Variants in KAZN observed in about 807,000 individuals in gnomAD.
KAZN encodes kazrin, periplakin interacting protein, also known as kazrin.
In KAZN, 40 loss-of-function variants were observed where a neutral mutation model predicts 87.4. That is an observed-to-expected ratio of 0.46 (90% CI 0.36 to 0.60). The LOEUF (loss-of-function observed/expected upper bound fraction) is 0.60, where lower values mean the gene tolerates loss of function less well. Ranked by LOEUF, KAZN falls within the 20% of genes least tolerant of loss-of-function variation. The pLI is 0.00. For synonymous variants in KAZN, 466 were observed against 458.3 expected, an observed-to-expected ratio of 1.02 and a Z score of -0.22; for missense variants, 898 against 1,073.9, an observed-to-expected ratio of 0.84 and a Z score of 2.29.
chr1:14,927,729 T>A (rs1341506374), intron 1 of KAZN, among the ~76,000 whole-genome samples: 2 of 152,360 alleles, frequency 1.3e-5, no homozygotes, highest in African/African-American at 4.8e-5. Context: ...AACCCCGAGC[T>A]CAGAAAGCCA....
chr1:14,900,386 T>C (rs774361854), intron 1 of KAZN, among the ~76,000 whole-genome samples: 62 of 152,112 alleles, frequency 4.1e-4, no homozygotes, highest in Admixed American at 2.0e-4. Flanking sequence ...AGTGCCTCCA[T>C]TTCACCATCT....
intron 1 of KAZN, among the ~76,000 whole-genome samples, chr1:14,843,000 C>T (rs1427261003): frequency 6.6e-6 from 1 of 152,130 alleles, no homozygotes; most frequent in African/African-American, 2.4e-5. Context: ...GACATTATCT[C>T]TTGATGTTCT....
At chr1:14,770,039 A>C (rs767361262) in intron 1 of KAZN, among the ~76,000 whole-genome samples, 23 of 152,140 alleles carry the variant, frequency 1.5e-4, no homozygotes, top group Non-Finnish European at 2.9e-4. Flanking sequence ...GGTAGAGTGA[A>C]CCAGGACCTC....
intron 1 of KAZN, among the ~76,000 whole-genome samples, chr1:14,841,127 G>A (rs912486682): frequency 1.3e-5 from 2 of 152,128 alleles, no homozygotes; most frequent in African/African-American, 2.4e-5. Context: ...TAGAAATGGA[G>A]CCATAAGCGG....
chr1:14,402,125 A>G (rs2101137598), intron 2 of KAZN, among the ~76,000 whole-genome samples: 1 of 152,086 alleles, frequency 6.6e-6, no homozygotes, highest in African/African-American at 2.4e-5. Context: ...TTTCAGAACT[A>G]AAAAAAGCAC....
intron 1 of KAZN, among the ~76,000 whole-genome samples, chr1:14,831,383 G>A (rs1325604081): frequency 1.3e-5 from 2 of 152,116 alleles, no homozygotes; most frequent in African/African-American, 2.4e-5. Context: ...CCAAGAAAGT[G>A]GGACGCCTCC....
intron 1 of KAZN, among the ~76,000 whole-genome samples, chr1:14,757,741 C>T (rs968719955): frequency 1.3e-5 from 2 of 152,212 alleles, no homozygotes; most frequent in African/African-American, 4.8e-5. Flanking sequence ...CAAGATCTCT[C>T]CCATGGGCTC....
At position 15,098,726 on chromosome 1, in the gene KAZN, A is replaced by T. The variant is rs1385787905; in HGVS notation, c.1548-2817A>T. 2.0e-5 allele frequency among the ~76,000 whole-genome samples: 3 copies of T among 152,244 alleles called. 1 individual carries two copies. Among genetic ancestry groups the T allele is most frequent in the Admixed American group, 2.0e-4 (3 of 15,294 alleles). On this transcript the variant is annotated intron_variant, in intron 10 of 14. Transcript: ENST00000376030. ...CCAGGACCTTTTCATCCTAGAAGGG[A>T]GGTTGTCTTGGGCCAGAAGTTTCCA...
chr1:14,812,727 C>A (rs1646450453), intron 1 of KAZN, among the ~76,000 whole-genome samples: 1 of 152,094 alleles, frequency 6.6e-6, no homozygotes, highest in Admixed American at 6.5e-5. Context: ...GTTGCCCAGA[C>A]TGGTCTCAAA....
At chr1:14,871,160 A>T (rs545565762) in intron 1 of KAZN, among the ~76,000 whole-genome samples, 2 of 152,174 alleles carry the variant, frequency 1.3e-5, no homozygotes, top group Non-Finnish European at 2.9e-5. Flanking sequence ...CACGGCACCT[A>T]TGTGCCCTCT....
At chr1:15,048,606 G>A (rs1010677194) in intron 4 of KAZN, among the ~76,000 whole-genome samples, 1 of 133,422 alleles carries the variant, frequency 7.5e-6, no homozygotes, top group Non-Finnish European at 1.5e-5. Flanking sequence ...CGTCGGTCCT[G>A]GGTCGCTGGT....
rs77376616 is a variant in KAZN, at chr1:14,204,834, A to G, written c.249+24242A>G. Among the ~76,000 whole-genome samples, 127 of 152,338 alleles carry G rather than the reference A, an allele frequency of 8.3e-4. 1 individual carries two copies. Among genetic ancestry groups the G allele is most frequent in the African/African-American group, 2.9e-3 (119 of 41,574 alleles). ...CCTAATTAGAAAAGATAATATTGGA[A>G]CTCAGTTCTGCTAGCCTCTTGCAGA... On this transcript the variant is annotated intron_variant, in intron 2 of 16. Transcript: ENST00000636203.
intron 1 of KAZN, among the ~76,000 whole-genome samples, chr1:13,993,459 T>C (rs2101117051): frequency 6.6e-6 from 1 of 152,344 alleles, no homozygotes; most frequent in East Asian, 1.9e-4. Context: ...TGTTCTATAA[T>C]AAATAAACAA....
In KAZN at chr1:13,919,600, G is replaced by T. The variant is rs375829072; in HGVS notation, c.91+25844G>T. Among the ~76,000 whole-genome samples, 4 of 152,328 alleles carry T rather than the reference G, an allele frequency of 2.6e-5. No individual in the cohort carries two copies. The South Asian group carries it at 8.3e-4, about 32-fold the overall frequency. ...TGTGCCTGTGTTCAGCCTTCAAAAA[G>T]ATATTTAAATTGGCCATTTGGACAT... On this transcript the variant is annotated intron_variant, in intron 1 of 16. Transcript: ENST00000636203.
intron 2 of KAZN, among the ~76,000 whole-genome samples, chr1:14,196,023 AAG>A (rs1646519361): frequency 1.3e-5 from 2 of 152,322 alleles, no homozygotes; most frequent in African/African-American, 2.4e-5. Context: ...TTAAAAAACT[AAG>A]AGAGTGGATA....
chr1:14,439,767 C>T (rs919907067), intron 2 of KAZN, among the ~76,000 whole-genome samples: 9 of 152,300 alleles, frequency 5.9e-5, no homozygotes, highest in East Asian at 3.9e-4. Context: ...CCCTTCATAA[C>T]GCTTTGACCT....
At chr1:14,426,027 C>T (rs1460782534) in intron 2 of KAZN, among the ~76,000 whole-genome samples, 1 of 152,222 alleles carries the variant, frequency 6.6e-6, no homozygotes, top group Non-Finnish European at 1.5e-5. Context: ...AGTGACAACT[C>T]AGCTTACTCA....
At chr1:14,839,330 G>C (rs1647658746) in intron 1 of KAZN, among the ~76,000 whole-genome samples, 1 of 152,132 alleles carries the variant, frequency 6.6e-6, no homozygotes, top group South Asian at 2.1e-4. Flanking sequence ...CATGAGCTGG[G>C]TGTGAGGAAG....
chr1:13,898,095 A>G (rs561288112), intron 1 of KAZN, among the ~76,000 whole-genome samples: 74 of 152,284 alleles, frequency 4.9e-4, no homozygotes, highest in African/African-American at 1.7e-3. Flanking sequence ...ATCTGCTGAT[A>G]TCGTAATATT....
Sources: gnomAD v4.1 joint callset for allele counts (sites outside exome capture counted in the v4.1 genomes callset) on GRCh38, gnomAD v4.1.1 for gene constraint, MANE v1.5 for transcripts, NCBI Gene and HGNC (gene_info 2026-07-23, HGNC 2026-07-21) for gene names.